Variants in SOX5 observed in about 807,000 individuals in gnomAD.
SOX5 encodes the protein SRY-box transcription factor 5.
A neutral mutation model predicts 92.0 loss-of-function variants in SOX5; 9 were observed. That is an observed-to-expected ratio of 0.10 (90% CI 0.06 to 0.17). The LOEUF (loss-of-function observed/expected upper bound fraction) is 0.17. SOX5 is among the 10% of genes least tolerant of loss of function. The probability of loss-of-function intolerance (pLI) is 1.00; values close to 1 mark genes in which losing one functional copy is unlikely to be tolerated. For missense variants in SOX5, 642 were observed against 944.5 expected (o/e 0.68, Z 4.20); for synonymous variants, 344 against 336.3 (o/e 1.02, Z -0.25).
At chr12:23,834,871 C>A (rs781402496) in intron 3 of SOX5, among the ~76,000 whole-genome samples, 33 of 151,762 alleles carry the variant, frequency 2.2e-4, no homozygotes, top group Non-Finnish European at 3.8e-4. Flanking sequence ...GCTGAAATGG[C>A]CATTTCAAAG....
intron 1 of SOX5, among the ~76,000 whole-genome samples, chr12:23,899,126 C>G (rs1448028084): frequency 6.6e-6 from 1 of 152,128 alleles, no homozygotes; most frequent in African/African-American, 2.4e-5. Flanking sequence ...GAAGGCACCA[C>G]AGGCCGGTTG....
intron 4 of SOX5, among the ~76,000 whole-genome samples, chr12:24,173,690 T>A (rs978367314): frequency 6.6e-6 from 1 of 152,168 alleles, no homozygotes; most frequent in Non-Finnish European, 1.5e-5. Flanking sequence ...GGGGAAGTGA[T>A]ATTTTAATAT....
chr12:23,881,818 A>G (rs1246334108), intron 2 of SOX5, among the ~76,000 whole-genome samples: 1 of 152,208 alleles, frequency 6.6e-6, no homozygotes, highest in African/African-American at 2.4e-5. Context: ...TGGATTTTTA[A>G]AAGTGTCATC....
intron 4 of SOX5, among the ~76,000 whole-genome samples, chr12:24,051,873 T>C (rs1957592791): frequency 6.6e-6 from 1 of 152,224 alleles, no homozygotes. Flanking sequence ...TATACACTGT[T>C]CAACTCATTG....
chr12:23,716,121 G>T (rs1036093450), intron 6 of SOX5, among the ~76,000 whole-genome samples: 2 of 152,140 alleles, frequency 1.3e-5, no homozygotes, highest in Non-Finnish European at 2.9e-5. Flanking sequence ...ATGATGAAAA[G>T]AAATTTTTGG....
chr12:23,721,787 A>G (rs1010039271), intron 6 of SOX5, among the ~76,000 whole-genome samples: 3 of 152,246 alleles, frequency 2.0e-5, no homozygotes, highest in African/African-American at 7.2e-5. Context: ...TAAATAGTTA[A>G]GAGATTATAC....
intron 4 of SOX5, among the ~76,000 whole-genome samples, chr12:23,972,510 A>G (rs1372672242): frequency 7.0e-6 from 1 of 142,164 alleles, no homozygotes; most frequent in Non-Finnish European, 1.6e-5. Context: ...GGCGCCCACC[A>G]CTACGCCTGG....
chr12:24,519,164 A>AT, intron 1 of SOX5, among the ~76,000 whole-genome samples: 1 of 152,136 alleles, frequency 6.6e-6, no homozygotes, highest in East Asian at 1.9e-4. Context: ...TGCTACGTGA[A>AT]TTTTTTTCTT....
At chr12:23,592,625 C>A (rs1284520316) in intron 9 of SOX5, among the ~76,000 whole-genome samples, 1 of 152,104 alleles carries the variant, frequency 6.6e-6, no homozygotes, top group Non-Finnish European at 1.5e-5. Flanking sequence ...TTTCAAGCAG[C>A]AGTCTGATAA....
intron 11 of SOX5, among the ~76,000 whole-genome samples, chr12:23,559,609 C>A (rs998949875): frequency 6.6e-6 from 1 of 152,180 alleles, no homozygotes; most frequent in Non-Finnish European, 1.5e-5. Context: ...ATTGTTTTCA[C>A]TGTCCAATTA....
chr12:24,391,657 T>C (rs935906145), intron 1 of SOX5, among the ~76,000 whole-genome samples: 2 of 152,166 alleles, frequency 1.3e-5, no homozygotes, highest in Non-Finnish European at 2.9e-5. Flanking sequence ...AATCATGATA[T>C]TGGATAACAG....
intron 6 of SOX5, among the ~76,000 whole-genome samples, chr12:23,690,039 C>T (rs2088468649): frequency 6.6e-6 from 1 of 152,142 alleles, no homozygotes; most frequent in Non-Finnish European, 1.5e-5. Flanking sequence ...TGCATATAAT[C>T]ACTACCTCAA....
intron 4 of SOX5, among the ~76,000 whole-genome samples, chr12:24,059,780 A>T (rs111228472): frequency 3.3e-4 from 50 of 152,208 alleles, no homozygotes; most frequent in Non-Finnish European, 6.0e-4. Flanking sequence ...AAGAGTATAA[A>T]AAACAAATGA....
chr12:23,938,258 TG>T (rs1942993159), intron 1 of SOX5, among the ~76,000 whole-genome samples: 1 of 151,070 alleles, frequency 6.6e-6, no homozygotes, highest in Non-Finnish European at 1.5e-5. Flanking sequence ...TTAGGTGATT[TG>T]GTTTGCTTGT....
intron 4 of SOX5, among the ~76,000 whole-genome samples, chr12:23,979,165 T>C (rs1281374285): frequency 6.6e-6 from 1 of 152,176 alleles, no homozygotes; most frequent in Non-Finnish European, 1.5e-5. Flanking sequence ...TTGCTTTATT[T>C]AGGACAACTA....
At chr12:23,896,443 C>T (rs2097178608) in intron 1 of SOX5, among the ~76,000 whole-genome samples, 1 of 151,988 alleles carries the variant, frequency 6.6e-6, no homozygotes, top group Non-Finnish European at 1.5e-5. Context: ...AAATTTCTTT[C>T]ATCAAAAAAT....
At chr12:24,047,918 T>C (rs974688853) in intron 4 of SOX5, among the ~76,000 whole-genome samples, 2 of 152,210 alleles carry the variant, frequency 1.3e-5, no homozygotes, top group Non-Finnish European at 1.5e-5. Context: ...AAATTCTAAA[T>C]AAATTCTTGA....
chr12:23,978,090 A>G (rs1949119686), intron 4 of SOX5, among the ~76,000 whole-genome samples: 1 of 152,238 alleles, frequency 6.6e-6, no homozygotes. Context: ...TGATTCATAT[A>G]ACTATTATTA....
chr12:24,346,651 C>T (rs1396092560), intron 2 of SOX5, among the ~76,000 whole-genome samples: 1 of 152,050 alleles, frequency 6.6e-6, no homozygotes, highest in African/African-American at 2.4e-5. Context: ...CGGGGCTTCA[C>T]TATGCTGGCC....
Sources: allele counts gnomAD v4.1 joint callset (sites outside exome capture counted in the v4.1 genomes callset), GRCh38; gene constraint gnomAD v4.1.1; transcripts MANE v1.5; gene names NCBI Gene and HGNC (gene_info 2026-07-23, HGNC 2026-07-21).